The following MAP7D2 variants were observed in gnomAD, a reference collection of about 807,000 sequenced individuals.
The protein encoded by MAP7D2 is MAP7 domain containing 2.
Under a neutral mutation model 63.5 loss-of-function variants are expected in MAP7D2, and 33 were observed. The ratio of observed to expected loss-of-function variants is 0.52; its 90% CI spans 0.39 to 0.70. The LOEUF is 0.70. Ranked by LOEUF, MAP7D2 falls within the 30% of genes least tolerant of loss-of-function variation. The pLI, the probability that MAP7D2 is intolerant of heterozygous loss-of-function variation, is 0.00. For synonymous variants in MAP7D2, 224 were observed against 223.7 expected, an observed-to-expected ratio of 1.00 and a Z score of -0.01; for missense variants, 626 against 604.0, an observed-to-expected ratio of 1.04 and a Z score of -0.38.
At chrX:20,021,221 C>A (rs1167022075) in intron 10 of MAP7D2, 1 of 111,862 alleles carries the variant, frequency 8.9e-6, no homozygotes, top group African/African-American at 3.3e-5. Context: ...AATGGACCAA[C>A]TTTTGTTCTT....
chrX:20,036,903 CAAAAAAAAAAAA>C (rs59036515), intron 8 of MAP7D2, among the ~76,000 whole-genome samples: 1 of 29,741 alleles, frequency 3.4e-5, no homozygotes, highest in Non-Finnish European at 6.5e-5. Flanking sequence ...GACTCCATCT[CAAAAAAAAAAAA>C]AAAAAAAAAA....
At chrX:20,083,708 T>C (rs1050190431) in intron 1 of MAP7D2, among the ~76,000 whole-genome samples, 6 of 111,915 alleles carry the variant, frequency 5.4e-5, no homozygotes, top group Admixed American at 1.9e-4. Flanking sequence ...CCACTGCCTT[T>C]AAAAATAGCA....
chrX:20,021,268 C>T (rs768158852), intron 10 of MAP7D2: 1 of 112,167 alleles, frequency 8.9e-6, no homozygotes, highest in African/African-American at 3.2e-5. Context: ...CCTGGTTGGC[C>T]CTTCTGTTCT....
intron 5 of MAP7D2, among the ~76,000 whole-genome samples, chrX:20,051,180 T>C (rs2064938422): frequency 9.0e-6 from 1 of 111,472 alleles, no homozygotes; most frequent in Admixed American, 9.6e-5. Context: ...CAAAATCCAT[T>C]CAATATGCTA....
intron 1 of MAP7D2, among the ~76,000 whole-genome samples, chrX:20,072,150 T>C (rs767897711): frequency 1.3e-4 from 15 of 111,421 alleles, no homozygotes; most frequent in African/African-American, 4.9e-4. Flanking sequence ...ACAACCAACA[T>C]TTTAAGGCAT....
chrX:20,033,590 C>T (rs978877341), intron 8 of MAP7D2, among the ~76,000 whole-genome samples: 3 of 112,361 alleles, frequency 2.7e-5, no homozygotes, highest in African/African-American at 9.7e-5. Context: ...GCACAGCCAC[C>T]CAACAGTGGC....
chrX:20,047,940 A>T (rs1168723615), intron 6 of MAP7D2, among the ~76,000 whole-genome samples: 1 of 111,806 alleles, frequency 8.9e-6, no homozygotes, highest in Non-Finnish European at 1.9e-5. Context: ...GAACCCCTAA[A>T]GGACATAACT....
intron 8 of MAP7D2, among the ~76,000 whole-genome samples, chrX:20,040,710 T>C (rs1461196449): frequency 1.8e-5 from 2 of 111,540 alleles, no homozygotes; most frequent in Non-Finnish European, 3.8e-5. Context: ...TTTGTCATCT[T>C]ATATGGGTGC....
intron 1 of MAP7D2, among the ~76,000 whole-genome samples, chrX:20,075,675 C>T (rs1374490234): frequency 8.9e-6 from 1 of 111,842 alleles, no homozygotes; most frequent in African/African-American, 3.3e-5. Context: ...CATCTTTTGA[C>T]ACTTTTCTAG....
intron 1 of MAP7D2, among the ~76,000 whole-genome samples, chrX:20,076,631 G>A (rs1200199886): frequency 9.1e-6 from 1 of 109,717 alleles, no homozygotes; most frequent in South Asian, 3.9e-4. Context: ...AACCCAGGAG[G>A]TGGAGGTTGC....
At chrX:20,060,406 AAGAAAAGAAAAGAG>A (rs1245256864) in intron 3 of MAP7D2, among the ~76,000 whole-genome samples, 1 of 101,857 alleles carries the variant, frequency 9.8e-6, no homozygotes, top group African/African-American at 3.6e-5. Context: ...AAGAAAAGAA[AAGAAAAGAAAAGAG>A]AGAGAGAGAG....
At chrX:20,025,146 C>A (rs1251433361) in intron 9 of MAP7D2, 63 bp from the exon 10 acceptor site, 5 of 1,121,273 alleles carry the variant, frequency 4.5e-6, no homozygotes, top group Middle Eastern at 3.0e-4. Flanking sequence ...TGATTCCACT[C>A]ACACAGCAGC....
In MAP7D2 at chrX:20,031,504, G is replaced by C. The variant is rs759574117; in HGVS notation, c.1008-5552C>G. ...TATTGGGCCAGACCTGGTGGCTCAT[G>C]CCTGTACTCCCAGTACAAAGGAGAG... On this transcript the variant is annotated intron_variant, in intron 8 of 16. Coordinates refer to ENST00000379643, the MANE Select transcript of MAP7D2 (RefSeq NM_001168465.2). 1.4e-3 allele frequency among the ~76,000 whole-genome samples: 155 copies of C among 110,194 alleles called. 1 individual carries two copies. Among genetic ancestry groups the C allele is most frequent in the African/African-American group, 4.8e-3 (146 of 30,240 alleles).
Position 20,025,214 on chromosome X carries a change from G to A in MAP7D2, c.1280-131C>T. The A allele has an allele frequency of 5.2e-6, 4 of 765,374 alleles. No homozygotes were observed. In the South Asian group the frequency reaches 1.3e-4, roughly 24 times the overall value. The allele number at this position is 765,374 out of a possible 1,213,427, so 63.1% of individuals were successfully genotyped here. ...GTGTGGTGATGGGAAATGCCGTCCAGACTAGCACAATCGACCACCAAGCAA... is the reference window on the plus strand; with the variant it reads ...GTGTGGTGATGGGAAATGCCGTCCAAACTAGCACAATCGACCACCAAGCAA... On this transcript the variant is annotated intron_variant, in intron 9 of 16. Coordinates refer to ENST00000379643, the MANE Select transcript of MAP7D2 (RefSeq NM_001168465.2).
At chrX:20,014,346 T>C (rs911089227) in intron 12 of MAP7D2, among the ~76,000 whole-genome samples, 4 of 111,956 alleles carry the variant, frequency 3.6e-5, no homozygotes, top group Non-Finnish European at 7.5e-5. Flanking sequence ...GGCAGGAGGA[T>C]CCCTTGAGTC....
intron 1 of MAP7D2, among the ~76,000 whole-genome samples, chrX:20,106,967 G>A (rs1218888615): frequency 9.3e-5 from 10 of 107,784 alleles, no homozygotes; most frequent in South Asian, 4.1e-4. Flanking sequence ...GGGCAACAGC[G>A]CGAAACCCTG....
chrX:20,089,712 C>A (rs931666422), intron 1 of MAP7D2, among the ~76,000 whole-genome samples: 2 of 112,578 alleles, frequency 1.8e-5, no homozygotes, highest in African/African-American at 6.5e-5. Context: ...CGTTTTAGAT[C>A]ATTAATAACT....
intron 6 of MAP7D2, among the ~76,000 whole-genome samples, chrX:20,048,939 ATATACATATATGTATACGTATATG>A (rs1569520178): frequency 9.3e-6 from 1 of 108,078 alleles, no homozygotes; most frequent in Non-Finnish European, 1.9e-5. Flanking sequence ...ATATACATAT[ATATACATATATGTATACGTATATG>A]TATACGTATA....
chrX:20,103,566 T>G (rs368948409), intron 1 of MAP7D2, among the ~76,000 whole-genome samples: 7 of 112,312 alleles, frequency 6.2e-5, no homozygotes, highest in East Asian at 5.5e-4. Flanking sequence ...GTAACTTTGT[T>G]TGAGATCTGA....
Sources: allele counts gnomAD v4.1 joint callset (sites outside exome capture counted in the v4.1 genomes callset), GRCh38; gene constraint gnomAD v4.1.1; transcripts MANE v1.5; gene names NCBI Gene and HGNC (gene_info 2026-07-23, HGNC 2026-07-21).